Variants in C18orf63 observed in about 807,000 individuals in gnomAD.
The protein encoded by C18orf63 is uncharacterized protein C18orf63.
A neutral mutation model predicts 75.3 loss-of-function variants in C18orf63; 50 were observed. That is an observed-to-expected ratio of 0.66 (90% CI 0.53 to 0.84). C18orf63 has a LOEUF of 0.84. Ranked by LOEUF, C18orf63 falls within the 40% of genes least tolerant of loss-of-function variation. The pLI, the probability that C18orf63 is intolerant of heterozygous loss-of-function variation, is 0.00. For missense variants in C18orf63, 732 were observed against 800.2 expected (o/e 0.91, Z 1.03); for synonymous variants, 232 against 267.6 (o/e 0.87, Z 1.30).
chr18:74,317,136 G>A (rs1354693840), intron 1 of C18orf63, among the ~76,000 whole-genome samples: 3 of 152,224 alleles, frequency 2.0e-5, no homozygotes, highest in Non-Finnish European at 2.9e-5. Context: ...TGTTGATGTT[G>A]AAAAGTTGAA....
intron 6 of C18orf63, among the ~76,000 whole-genome samples, chr18:74,329,888 CATT>C (rs1285628908): frequency 1.3e-5 from 2 of 152,138 alleles, no homozygotes; most frequent in Non-Finnish European, 2.9e-5. Context: ...CCACCGTAGA[CATT>C]ATTAATCAAT....
rs1489483400 is a variant in C18orf63, at chr18:74,357,914, A to G, written c.*1467A>G. On this transcript the variant is annotated 3_prime_UTR_variant, in exon 14 of 14. Transcript: ENST00000579455. Reference sequence around the variant, plus strand: ...CTAGTAGACTGTTATAAAGAGTGGTATGTCATTTTGTTTATGAGGCTATGG... The same window carrying G: ...CTAGTAGACTGTTATAAAGAGTGGTGTGTCATTTTGTTTATGAGGCTATGG... The G allele has an allele frequency of 1.3e-5, 2 of 152,114 alleles. No homozygotes were observed. The highest frequency in any genetic ancestry group is 2.1e-4 in the South Asian group (1 of 4,826). 9.4% of individuals were successfully genotyped at this position (152,114 alleles called of 1,614,324 possible). A position where few individuals can be genotyped will look rare whatever the true frequency, so the allele number is the denominator to read the frequency against.
intron 7 of C18orf63, among the ~76,000 whole-genome samples, chr18:74,332,966 G>C (rs1984334528): frequency 6.6e-6 from 1 of 152,160 alleles, no homozygotes; most frequent in Non-Finnish European, 1.5e-5. Context: ...GAGATTGACA[G>C]AGGAGTAAGA....
At position 74,353,558 on chromosome 18, in the gene C18orf63, A is replaced by G. The variant is rs951870732; in HGVS notation, c.1291A>G (p.Ile431Val). 5.9e-6 allele frequency: 9 copies of G among 1,536,464 alleles called. No homozygotes were observed. The highest frequency in any genetic ancestry group is 7.8e-6 in the Non-Finnish European group (9 of 1,146,986). ...CACAAATCTTAGCTCCCAAAGCAACATCACCCCTAAGTTTGTACCAGTTTT... is the reference window on the plus strand; with the variant it reads ...CACAAATCTTAGCTCCCAAAGCAACGTCACCCCTAAGTTTGTACCAGTTTT... The part of the protein sequence containing the change: ...QHTNLSSQSN[I>V]TPKFVPVFKN... The change falls in exon 12 of 14, where the codon ATC (isoleucine) becomes GTC (valine). Residue 431 changes from isoleucine to valine, a missense_variant. Transcript: ENST00000579455.
rs79860343 is a variant in C18orf63, at chr18:74,317,097, A to G, written c.-32-737A>G. Among the ~76,000 whole-genome samples the G allele has an allele frequency of 7.7e-3, 1,177 of 152,358 alleles. 17 individuals are homozygous for G. Among genetic ancestry groups the G allele is most frequent in the African/African-American group, 0.026 (1,090 of 41,582 alleles). ...TCACACTGCACATTCCCGGGCCAGT[A>G]TATTATTCTTTCTTAAAAAGAAAAA... is the stretch of plus-strand genomic sequence containing the variant. On this transcript the variant is annotated intron_variant, in intron 1 of 13. Coordinates refer to ENST00000579455, the MANE Select transcript of C18orf63 (RefSeq NM_001174123.2).
At position 74,345,584 on chromosome 18, in the gene C18orf63, A is replaced by T. The variant is rs143997156; in HGVS notation, c.978+1882A>T. Reference sequence around the variant, plus strand: ...TGATGTAGGGAGTCAGATTTCTTTAATATGGATATCCATATGTCCAAGCCA... The same window carrying T: ...TGATGTAGGGAGTCAGATTTCTTTATTATGGATATCCATATGTCCAAGCCA... On this transcript the variant is annotated intron_variant, in intron 11 of 13. Transcript: ENST00000579455. Among the ~76,000 whole-genome samples, 637 of 152,242 alleles carry T rather than the reference A, an allele frequency of 4.2e-3. 4 individuals carry two copies. Among genetic ancestry groups the T allele is most frequent in the Non-Finnish European group, 5.2e-3 (352 of 67,966 alleles).
chr18:74,332,540 T>A (rs1984326317), intron 7 of C18orf63, among the ~76,000 whole-genome samples: 1 of 152,022 alleles, frequency 6.6e-6, no homozygotes, highest in African/African-American at 2.4e-5. Context: ...CTGTCTCTAC[T>A]AAAAATACAA....
Position 74,353,795 on chromosome 18 carries a change from C to T in C18orf63, c.1528C>T (p.Pro510Ser), listed in dbSNP as rs1465838416. ...ANNLNQENSR[P>S]LQEKNTESSE... ...CAATTTAAATCAGGAGAATTCCAGA[C>T]CTCTGCAAGAAAAAAATACAGAGTC... Residue 510 changes from proline (P) to serine (S), a missense_variant, in exon 12 of 14, where the codon CCT (proline) becomes TCT (serine). Physicochemically the swap from Pro to Ser is moderately conservative, Grantham distance 74 (BLOSUM62 -1). Around this residue, in one of 3 missense-constraint regions of C18orf63, gnomAD observed 495 missense variants for 508.7 expected, o/e 0.97. Coordinates refer to ENST00000579455, the MANE Select transcript of C18orf63 (RefSeq NM_001174123.2). 2 of 1,535,914 alleles carry T rather than the reference C, an allele frequency of 1.3e-6. No homozygotes were observed. The highest frequency in any genetic ancestry group is 1.7e-6 in the Non-Finnish European group (2 of 1,146,800).
chr18:74,330,270 A>G (rs2145119999), intron 6 of C18orf63, among the ~76,000 whole-genome samples: 1 of 152,266 alleles, frequency 6.6e-6, no homozygotes, highest in East Asian at 1.9e-4. Context: ...TCTTGTAACC[A>G]TTTCTCAGAT....
chr18:74,338,622 C>G, intron 7 of C18orf63, 93 bp from the exon 8 acceptor site: 1 of 473,470 alleles, frequency 2.1e-6, no homozygotes, highest in South Asian at 6.3e-5. Context: ...ACTTTATAAC[C>G]TACTGTGTGT....
intron 11 of C18orf63, among the ~76,000 whole-genome samples, chr18:74,352,748 T>A (rs186156207): frequency 6.6e-6 from 1 of 152,350 alleles, no homozygotes; most frequent in East Asian, 1.9e-4. Flanking sequence ...CTTAGGAAGA[T>A]GGAATATGTG....
chr18:74,331,941 T>C (rs1984314423), intron 7 of C18orf63, among the ~76,000 whole-genome samples: 1 of 152,146 alleles, frequency 6.6e-6, no homozygotes, highest in Admixed American at 6.5e-5. Context: ...GGAGAATCAC[T>C]TAAGCCAGTA....
chr18:74,320,385 G>A (rs562296754), intron 2 of C18orf63, 128 bp from the exon 3 acceptor site: 14 of 562,628 alleles, frequency 2.5e-5, no homozygotes, highest in African/African-American at 1.7e-4. Context: ...GAAATCCGCC[G>A]CCATGAGCCA....
At chr18:74,328,881 C>T in intron 5 of C18orf63, 114 bp from the exon 6 acceptor site, 1 of 591,542 alleles carries the variant, frequency 1.7e-6, no homozygotes, top group African/African-American at 1.8e-5. Context: ...ATAACAACTG[C>T]ATTTTAAAGT....
intron 7 of C18orf63, among the ~76,000 whole-genome samples, chr18:74,334,686 G>A (rs759423328): frequency 1.3e-5 from 2 of 151,936 alleles, no homozygotes; most frequent in Non-Finnish European, 2.9e-5. Context: ...GTGAGAAGGA[G>A]GATGTTTCTG....
intron 7 of C18orf63, among the ~76,000 whole-genome samples, chr18:74,334,648 T>A (rs1236757239): frequency 1.3e-5 from 2 of 152,088 alleles, no homozygotes; most frequent in African/African-American, 4.8e-5. Flanking sequence ...GGTCAGGTTG[T>A]GGGGAGGGGA....
At position 74,358,846 on chromosome 18, in the gene C18orf63, C is replaced by G. The variant is rs1984815576; in HGVS notation, c.*2399C>G. 6.6e-6 allele frequency: 1 copy of G among 151,844 alleles called. No individual in the cohort carries two copies. The highest frequency in any genetic ancestry group is 1.5e-5 in the Non-Finnish European group (1 of 67,942). The allele number at this position is 151,844 out of a possible 1,614,324, so 9.4% of individuals were successfully genotyped here. A position where few individuals can be genotyped will look rare whatever the true frequency, so the allele number is the denominator to read the frequency against. On this transcript the variant is annotated 3_prime_UTR_variant, in exon 14 of 14. Transcript: ENST00000579455. ...TAGGTTTCACAGTATTGGTTGCTTA[C>G]TATATTTGTTTTTATTTTTATTATA...
chr18:74,330,838 A>G (rs1400220786), intron 6 of C18orf63, 28 bp from the exon 7 acceptor site: 2 of 809,910 alleles, frequency 2.5e-6, no homozygotes, highest in Non-Finnish European at 1.9e-6. Context: ...AATTCCAGGT[A>G]GTTCACAGTT....
intron 7 of C18orf63, among the ~76,000 whole-genome samples, chr18:74,336,989 A>G (rs935101491): frequency 2.6e-5 from 4 of 152,014 alleles, no homozygotes; most frequent in Non-Finnish European, 5.9e-5. Flanking sequence ...CTATTAAACC[A>G]GTCTCCATAT....
Sources: gnomAD v4.1 joint callset for allele counts (sites outside exome capture counted in the v4.1 genomes callset) on GRCh38, gnomAD v4.1.1 for gene constraint, gnomAD v4.1.1 regional missense constraint, MANE v1.5 for transcripts, NCBI Gene and HGNC (gene_info 2026-07-23, HGNC 2026-07-21) for gene names.